SHOX: variants seen among roughly 807,000 people sequenced by gnomAD.
The protein encoded by SHOX is SHOX homeobox, also known as short stature homeobox protein.
A neutral mutation model predicts 29.6 loss-of-function variants in SHOX; 12 were observed. The ratio of observed to expected loss-of-function variants is 0.41; its 90% CI spans 0.26 to 0.66. The LOEUF is 0.66. Ranked by LOEUF, SHOX falls within the 30% of genes least tolerant of loss-of-function variation. The pLI, the probability that SHOX is intolerant of heterozygous loss-of-function variation, is 0.35. For missense variants in SHOX, 499 were observed against 437.7 expected (o/e 1.14, Z -1.25); for synonymous variants, 214 against 200.6 (o/e 1.07, Z -0.57).
In SHOX at chrX:646,995, CAT is replaced by C; in HGVS notation, c.*2361_*2362del. 6.6e-6 allele frequency among the ~76,000 whole-genome samples: 1 copy of C among 151,498 alleles called. No individual in the cohort carries two copies. The highest frequency in any genetic ancestry group is 2.4e-5 in the African/African-American group (1 of 41,254). On this transcript the variant is annotated 3_prime_UTR_variant, in exon 5 of 5. Transcript: ENST00000686671. Reference sequence around the variant, plus strand: ...GCTGAGTAATTTTGAAAAATCGAAACATAACAGTGTGTCATCATTTCCTCCCA... The same window carrying C: ...GCTGAGTAATTTTGAAAAATCGAAACAACAGTGTGTCATCATTTCCTCCCA...
chrX:651,398 C>A lies in SHOX; in HGVS notation c.*6762C>A, dbSNP rs765199905. The A allele has an allele frequency of 7.9e-4, 341 of 432,698 alleles. 10 individuals carry two copies. The highest frequency in any genetic ancestry group is 3.9e-3 in the South Asian group (242 of 62,822). The allele number at this position is 432,698 out of a possible 1,614,324, so 26.8% of individuals were successfully genotyped here. A position where few individuals can be genotyped will look rare whatever the true frequency, so the allele number is the denominator to read the frequency against. The stretch of plus-strand genomic sequence containing the variant: ...CAGGCGGTGAGGGGTAGAAAAAAAA[C>A]AAACAAACAAACAGAAAAAAAAACC... On this transcript the variant is annotated 3_prime_UTR_variant, in exon 5 of 5. Transcript: ENST00000686671.
intron 1 of SHOX, among the ~76,000 whole-genome samples, chrX:632,590 C>A (rs936384978): frequency 4.6e-5 from 7 of 152,152 alleles, no homozygotes; most frequent in Non-Finnish European, 7.4e-5. Flanking sequence ...TGTGGAGTGG[C>A]CCCGGGAAAT....
chrX:652,882 C>CCTTGAACAAG (rs111482286), downstream of SHOX, among the ~76,000 whole-genome samples: 3 of 151,590 alleles, frequency 2.0e-5, no homozygotes, highest in Non-Finnish European at 4.4e-5. Context: ...CCATCTCCAG[C>CCTTGAACAAG]CTGTTTTTTA....
chrX:633,659 C>A (rs2052687682), intron 1 of SHOX, among the ~76,000 whole-genome samples: 1 of 152,110 alleles, frequency 6.6e-6, no homozygotes, highest in Non-Finnish European at 1.5e-5. Context: ...CAAATGTCAG[C>A]CCCTTACCCT....
intron 1 of SHOX, among the ~76,000 whole-genome samples, chrX:634,244 G>A (rs1324134642): frequency 1.3e-5 from 2 of 152,174 alleles, no homozygotes; most frequent in Non-Finnish European, 1.5e-5. Context: ...TCCTTCCCGG[G>A]CGTCCCGCCG....
chrX:658,206 C>G lies in SHOX; in HGVS notation c.634-579C>G, dbSNP rs1288659316. ...GCCAGGCTGGTCTTGAACTCCTGAC[C>G]TCAGGTGATCCGCCTGCCTCGGCCT... On this transcript the variant is annotated intron_variant, in intron 5 of 5. Transcript: ENST00000334060. 4.6e-5 allele frequency among the ~76,000 whole-genome samples: 7 copies of G among 151,952 alleles called. No homozygotes were observed. The South Asian group carries it at 1.2e-3, about 27-fold the overall frequency.
chrX:649,230 G>C lies in SHOX; in HGVS notation c.*4594G>C, dbSNP rs1206595006. Among the ~76,000 whole-genome samples the C allele has an allele frequency of 6.6e-6, 1 of 151,938 alleles. No homozygotes were observed. The highest frequency in any genetic ancestry group is 2.4e-5 in the African/African-American group (1 of 41,398). Reference sequence around the variant, plus strand: ...TTTTTGTATTTTTTAGTAGAGACCGGGTTTCGCCATGTTGGCCAGGCTGGT... The same window carrying C: ...TTTTTGTATTTTTTAGTAGAGACCGCGTTTCGCCATGTTGGCCAGGCTGGT... On this transcript the variant is annotated 3_prime_UTR_variant, in exon 5 of 5. Transcript: ENST00000686671.
rs2053049726 is a variant in SHOX, at chrX:650,843, A to G, written c.*6207A>G. On this transcript the variant is annotated 3_prime_UTR_variant, in exon 5 of 5. Transcript: ENST00000686671. ...AACTGGTGCCTAATTTATTAAAGAG[A>G]ATTAGCTTAGCGAGTATATGCTGAT... 6.7e-6 allele frequency among the ~76,000 whole-genome samples: 1 copy of G among 149,800 alleles called. No homozygotes were observed. The highest frequency in any genetic ancestry group is 2.4e-5 in the African/African-American group (1 of 40,868).
intron 4 of SHOX, 152 bp from the exon 5 acceptor site, chrX:644,239 G>A: frequency 9.7e-7 from 1 of 1,034,566 alleles, no homozygotes; most frequent in East Asian, 3.2e-5. Flanking sequence ...GGGGAAGGAG[G>A]AAAGGCGGGT....
chrX:630,393 C>A (rs1338724690), upstream of SHOX: 2 of 161,446 alleles, frequency 1.2e-5, no homozygotes, highest in Non-Finnish European at 2.7e-5. Flanking sequence ...CTCCCGGGAG[C>A]GAGGGCGGCC....
chrX:639,140 C>G (rs1220974325), intron 2 of SHOX, among the ~76,000 whole-genome samples: 1 of 152,292 alleles, frequency 6.6e-6, no homozygotes, highest in East Asian at 1.9e-4. Context: ...GCATGCAAAT[C>G]TTCACATGAG....
rs1225815437 is a variant in SHOX at position 650,664 on chromosome X, G to A, written c.*6028G>A. ...GCTCCACAGTTTTCCCGGGGACATA[G>A]CGAGGATGGCACACGGCAGCCACTC... is the stretch of plus-strand genomic sequence containing the variant. On this transcript the variant is annotated 3_prime_UTR_variant, in exon 5 of 5. Coordinates refer to ENST00000686671, the MANE Select transcript of SHOX (RefSeq NM_000451.4). Among the ~76,000 whole-genome samples the A allele has an allele frequency of 4.0e-5, 6 of 151,536 alleles. No individual in the cohort carries two copies. The highest frequency in any genetic ancestry group is 8.8e-5 in the Non-Finnish European group (6 of 67,922).
At chrX:658,051 T>C (rs1404578960) in intron 5 of SHOX, among the ~76,000 whole-genome samples, 2 of 152,060 alleles carry the variant, frequency 1.3e-5, no homozygotes, top group African/African-American at 4.8e-5. Context: ...CTCGGCTCAC[T>C]GCAACCTCAG....
chrX:635,071 T>C (rs938732064), intron 2 of SHOX, among the ~76,000 whole-genome samples: 12 of 152,032 alleles, frequency 7.9e-5, no homozygotes, highest in Non-Finnish European at 1.5e-4. Context: ...ATTATACAAA[T>C]AACAAATAAA....
chrX:648,892 C>CTTCG lies in SHOX; in HGVS notation c.*4259_*4260insGTTC, dbSNP rs1169151487. On this transcript the variant is annotated 3_prime_UTR_variant, in exon 5 of 5. Coordinates refer to ENST00000686671, the MANE Select transcript of SHOX (RefSeq NM_000451.4). The stretch of plus-strand genomic sequence containing the variant: ...AACGCCCTCTTCTCTCTCCCTTCTC[C>CTTCG]TTCCTTCCTTCCTTCCTTTCTTTCT... 2.3e-5 allele frequency among the ~76,000 whole-genome samples: 3 copies of CTTCG among 132,810 alleles called. No individual in the cohort carries two copies. The highest frequency in any genetic ancestry group is 8.4e-5 in the African/African-American group (3 of 35,724). 87.1% of individuals were successfully genotyped at this position (132,810 alleles called of 152,430 possible).
In SHOX at chrX:644,517, G is replaced by A. The variant is rs2052927960; in HGVS notation, c.760G>A (p.Ala254Thr). ...PPFGLPIASL[A>T]ESASAAAVVA... ...CTTCGGGCTGCCCATCGCGTCGCTG[G>A]CCGAGTCCGCCTCGGCCGCCGCCGT... The change falls in exon 5 of 5, where the codon GCC becomes ACC. Residue 254 changes from alanine to threonine, a missense_variant. Ala to Thr is a moderately conservative substitution (Grantham distance 58). Coordinates refer to ENST00000686671, the MANE Select transcript of SHOX (RefSeq NM_000451.4). The A allele has an allele frequency of 1.3e-6, 2 of 1,519,402 alleles. No homozygotes were observed. Among genetic ancestry groups the A allele is most frequent in the Admixed American group, 2.0e-5 (1 of 49,878 alleles). The allele number at this position is 1,519,402 out of a possible 1,614,324, so 94.1% of individuals were successfully genotyped here.
At chrX:626,554 C>CCCCT (rs1556453479), upstream of SHOX, among the ~76,000 whole-genome samples, 1 of 24,648 alleles carries the variant, frequency 4.1e-5, no homozygotes, top group Non-Finnish European at 7.7e-5. Context: ...CTCTCTCTCT[C>CCCCT]CTCTTTTTCT....
chrX:631,817 G>C (rs1377473269), intron 1 of SHOX: 7 of 443,154 alleles, frequency 1.6e-5, no homozygotes, highest in South Asian at 9.4e-5. Context: ...CAGGCGTGAG[G>C]CACCGCGCCC....
At chrX:634,111 C>A (rs1201434099) in intron 1 of SHOX, among the ~76,000 whole-genome samples, 1 of 152,064 alleles carries the variant, frequency 6.6e-6, no homozygotes, top group Non-Finnish European at 1.5e-5. Flanking sequence ...AAACAGGCTT[C>A]GGGTAGGGGC....
Sources: allele counts gnomAD v4.1 joint callset (sites outside exome capture counted in the v4.1 genomes callset), GRCh38; gene constraint gnomAD v4.1.1; transcripts MANE v1.5; gene names NCBI Gene and HGNC (gene_info 2026-07-23, HGNC 2026-07-21).